Variants in IFT88 observed in about 807,000 individuals in gnomAD.
The protein encoded by IFT88 is intraflagellar transport protein 88 homolog.
A neutral mutation model predicts 119.5 loss-of-function variants in IFT88; 74 were observed. The observed-to-expected ratio is 0.62, with a 90% CI of 0.51 to 0.75. The LOEUF (loss-of-function observed/expected upper bound fraction) is 0.75, where lower values mean the gene tolerates loss of function less well. IFT88 is among the 30% of genes least tolerant of loss of function. The pLI is 0.00. For synonymous variants in IFT88, 279 were observed against 316.7 expected (o/e 0.88, Z 1.26); for missense variants, 961 against 977.7 (o/e 0.98, Z 0.23).
intron 23 of IFT88, 48 bp downstream of exon 23, chr13:20,663,652 C>T: frequency 7.5e-7 from 1 of 1,331,350 alleles, no homozygotes; most frequent in Non-Finnish European, 1.1e-6. Flanking sequence ...TTTAGAATGT[C>T]AGCCTTCTAT....
intron 2 of IFT88, among the ~76,000 whole-genome samples, chr13:20,576,022 C>T: frequency 6.6e-6 from 1 of 152,196 alleles, no homozygotes; most frequent in East Asian, 1.9e-4. Context: ...CACATTCTCA[C>T]CACCATTTGT....
intron 23 of IFT88, among the ~76,000 whole-genome samples, chr13:20,670,397 G>C (rs2055587342): frequency 6.6e-6 from 1 of 152,048 alleles, no homozygotes; most frequent in Non-Finnish European, 1.5e-5. Context: ...ACAGTGTGGA[G>C]ATACTTCTTA....
intron 3 of IFT88, among the ~76,000 whole-genome samples, chr13:20,587,171 G>A (rs895718796): frequency 6.6e-5 from 10 of 151,898 alleles, no homozygotes; most frequent in Admixed American, 2.0e-4. Context: ...GATGGGTACA[G>A]TGTAATATGT....
In IFT88 at chr13:20,605,056, G is replaced by A; in HGVS notation, c.1063G>A (p.Val355Ile). The change falls in exon 13 of 26, where the codon GTA (valine) becomes ATA (isoleucine). Residue 355 changes from valine (V) to isoleucine (I), a missense_variant. Coordinates refer to ENST00000351808, the MANE Select transcript of IFT88 (RefSeq NM_006531.5). ...SPSDDPHTNL[V>I]TEAIKNDHLR... ...CCAGGATGATCCTCATACTAACTTA[G>A]TAACTGAAGCTATAAAAAATGATCA... The A allele has an allele frequency of 1.3e-6, 2 of 1,503,720 alleles. No individual in the cohort carries two copies. Among genetic ancestry groups the A allele is most frequent in the Non-Finnish European group, 1.8e-6 (2 of 1,082,878 alleles). The allele number at this position is 1,503,720 out of a possible 1,614,324, so 93.1% of individuals were successfully genotyped here.
In IFT88 at chr13:20,597,118, C is replaced by G; in HGVS notation, c.593C>G (p.Ser198Ter). 7.2e-6 allele frequency: 11 copies of G among 1,517,978 alleles called. No individual in the cohort carries two copies. The highest frequency in any genetic ancestry group is 1.2e-5 in the South Asian group (1 of 85,434). The allele number at this position is 1,517,978 out of a possible 1,614,324, so 94.0% of individuals were successfully genotyped here. Reference sequence around the variant, plus strand: ...AATATCAATTTGGATTTAACTTACTCAGTAAGTATTGAAATATAACACAAT... The same window carrying G: ...AATATCAATTTGGATTTAACTTACTGAGTAAGTATTGAAATATAACACAAT... ...PENINLDLTY[S>*]VLFNLASQYS... The change falls in exon 9 of 26, where the codon TCA (serine) becomes TGA (stop). Residue 198 changes from serine to a stop codon, truncating the protein, a stop_gained and splice_region_variant. Coordinates refer to ENST00000351808, the MANE Select transcript of IFT88 (RefSeq NM_006531.5). LOFTEE classifies it high-confidence loss of function.
intron 5 of IFT88, 44 bp downstream of exon 5, chr13:20,591,064 C>T: frequency 7.1e-7 from 1 of 1,416,788 alleles, no homozygotes; most frequent in Non-Finnish European, 9.8e-7. Flanking sequence ...TTTCTTGTGA[C>T]TTGGAATTTA....
intron 9 of IFT88, among the ~76,000 whole-genome samples, chr13:20,597,483 G>A (rs996367249): frequency 3.9e-5 from 6 of 152,046 alleles, no homozygotes; most frequent in Non-Finnish European, 7.4e-5. Context: ...CGTGGCTCAC[G>A]CCTGTAATCC....
intron 23 of IFT88, among the ~76,000 whole-genome samples, chr13:20,670,523 CTTTTTTTTTTTT>C (rs56143632): frequency 1.1e-5 from 1 of 94,978 alleles, no homozygotes; most frequent in Non-Finnish European, 2.1e-5. Flanking sequence ...CTCAGCTTAC[CTTTTTTTTTTTT>C]TTTTTTTTTT....
In IFT88 at chr13:20,654,030, TACTA is replaced by T. The variant is rs367831549; in HGVS notation, c.2002+106_2002+109del. ...CCAGTTGCATATCTGTTTATTAAAA[TACTA>T]ACTTTTTATAACTGTACATAATTCA... is the stretch of plus-strand genomic sequence containing the variant. On this transcript the variant is annotated intron_variant, in intron 21 of 25. Coordinates refer to ENST00000351808, the MANE Select transcript of IFT88 (RefSeq NM_006531.5). 210 of 549,468 alleles carry T rather than the reference TACTA, an allele frequency of 3.8e-4. 4 individuals are homozygous for T. The East Asian group carries it at 5.9e-3, about 16-fold the overall frequency. The allele number at this position is 549,468 out of a possible 1,614,324, so 34.0% of individuals were successfully genotyped here.
At chr13:20,668,767 A>T (rs1192121996) in intron 23 of IFT88, among the ~76,000 whole-genome samples, 2 of 152,002 alleles carry the variant, frequency 1.3e-5, no homozygotes, top group African/African-American at 4.8e-5. Context: ...TGAAAAGATG[A>T]GGGAGGGCAG....
At chr13:20,613,952 T>TAGATTAGTAG (rs146600840) in intron 13 of IFT88, among the ~76,000 whole-genome samples, 1 of 152,088 alleles carries the variant, frequency 6.6e-6, no homozygotes, top group Non-Finnish European at 1.5e-5. Flanking sequence ...TCTATAAAGA[T>TAGATTAGTAG]TTGCCAGGGA....
At chr13:20,576,661 C>T (rs903477166) in intron 2 of IFT88, among the ~76,000 whole-genome samples, 1 of 152,134 alleles carries the variant, frequency 6.6e-6, no homozygotes, top group African/African-American at 2.4e-5. Context: ...GCACCTTTGT[C>T]AAAAATGAGT....
chr13:20,663,144 G>T (rs1773244216), intron 22 of IFT88: 1 of 703,644 alleles, frequency 1.4e-6, no homozygotes. Context: ...ACACTTTTTA[G>T]CCTAGTCTCT....
At chr13:20,625,727 G>A (rs776492967) in intron 14 of IFT88, 23 bp from the exon 15 acceptor site, 1 of 1,522,044 alleles carries the variant, frequency 6.6e-7, no homozygotes, top group Non-Finnish European at 8.9e-7. Flanking sequence ...ATCAAGTAAG[G>A]TTTTTTATGC....
intron 13 of IFT88, chr13:20,607,488 T>C: frequency 2.9e-6 from 2 of 682,778 alleles, no homozygotes; most frequent in South Asian, 3.1e-5. Flanking sequence ...ATGGCCACGG[T>C]CACCAAGTTG....
intron 15 of IFT88, among the ~76,000 whole-genome samples, chr13:20,626,641 G>T (rs1049926286): frequency 6.6e-6 from 1 of 152,126 alleles, no homozygotes; most frequent in Non-Finnish European, 1.5e-5. Flanking sequence ...TTAGAACCCC[G>T]CAGATCTCTC....
chr13:20,568,624 A>G (rs2035481362), intron 1 of IFT88, among the ~76,000 whole-genome samples: 1 of 152,362 alleles, frequency 6.6e-6, no homozygotes, highest in South Asian at 2.1e-4. Context: ...TAGCCTCAGC[A>G]TCACTTGGGT....
intron 17 of IFT88, among the ~76,000 whole-genome samples, 166 bp downstream of exon 17, chr13:20,638,684 G>A (rs1415989397): frequency 6.6e-6 from 1 of 152,134 alleles, no homozygotes; most frequent in Admixed American, 6.5e-5. Context: ...ATTTTAAATG[G>A]AATTAATGAT....
At chr13:20,674,726 T>A (rs9509328) in intron 24 of IFT88, among the ~76,000 whole-genome samples, 547 of 61,690 alleles carry the variant, frequency 8.9e-3, no homozygotes, top group South Asian at 0.029. Flanking sequence ...ATATATATAT[T>A]TTTTTTTTTT....
Sources: gnomAD v4.1 joint callset for allele counts (sites outside exome capture counted in the v4.1 genomes callset) on GRCh38, gnomAD v4.1.1 for gene constraint, MANE v1.5 for transcripts, NCBI Gene and HGNC (gene_info 2026-07-23, HGNC 2026-07-21) for gene names.